The following TRRAP variants were observed in gnomAD, a reference collection of about 807,000 sequenced individuals.
TRRAP encodes transformation/transcription domain-associated protein.
Under a neutral mutation model 438.8 loss-of-function variants are expected in TRRAP, and 41 were observed. That is an observed-to-expected ratio of 0.09 (90% CI 0.07 to 0.12). The LOEUF (loss-of-function observed/expected upper bound fraction) is 0.12, where lower values mean the gene tolerates loss of function less well. Ranked by LOEUF, TRRAP falls within the 10% of genes least tolerant of loss-of-function variation. The pLI, the probability that TRRAP is intolerant of heterozygous loss-of-function variation, is 1.00. For synonymous variants in TRRAP, 1,994 were observed against 1,962.9 expected (o/e 1.02, Z -0.42); for missense variants, 3,122 against 5,055.1 (o/e 0.62, Z 11.60).
chr7:98,988,601 T>C (rs924996418), intron 62 of TRRAP, among the ~76,000 whole-genome samples, 164 bp from the exon 63 acceptor site: 2 of 151,822 alleles, frequency 1.3e-5, no homozygotes, highest in East Asian at 1.9e-4. Flanking sequence ...TCCCAGGGGC[T>C]GGAGGTGGGA....
chr7:98,965,981 G>A (rs1792135034), intron 49 of TRRAP, 86 bp downstream of exon 49: 3 of 1,488,358 alleles, frequency 2.0e-6, no homozygotes. Flanking sequence ...GAAACTTGAA[G>A]CAAAACATTT....
chr7:98,924,667 C>T (rs1425123994), intron 21 of TRRAP, among the ~76,000 whole-genome samples: 5 of 119,110 alleles, frequency 4.2e-5, no homozygotes, highest in Non-Finnish European at 6.6e-5. Context: ...CCAGCCTGGG[C>T]GACAGAGCAA....
chr7:98,965,548 A>T, intron 48 of TRRAP, 148 bp from the exon 49 acceptor site: 1 of 1,017,738 alleles, frequency 9.8e-7, no homozygotes, highest in Admixed American at 2.2e-5. Flanking sequence ...AGAACATATG[A>T]GTGCTTCAAA....
chr7:99,001,753 C>T (rs1428750164), intron 67 of TRRAP, among the ~76,000 whole-genome samples: 1 of 152,132 alleles, frequency 6.6e-6, no homozygotes. Flanking sequence ...GGGCTGCCAA[C>T]CACATGTCTG....
chr7:98,998,807 CT>C, intron 67 of TRRAP: 1 of 265,870 alleles, frequency 3.8e-6, no homozygotes, highest in Non-Finnish European at 7.5e-6. Flanking sequence ...ACCCTCTTAC[CT>C]TACCTCTGTT....
chr7:99,008,523 G>T lies in TRRAP; in HGVS notation c.10900G>T (p.Ala3634Ser), dbSNP rs1162264257. 1 of 1,614,066 alleles carries T rather than the reference G, an allele frequency of 6.2e-7. No homozygotes were observed. The highest frequency in any genetic ancestry group is 1.7e-5 in the Admixed American group (1 of 60,030). The change falls in exon 70 of 73, where the codon GCT (alanine) becomes TCT (serine). Residue 3634 changes from alanine to serine, a missense_variant. Ala to Ser is a moderately conservative substitution (Grantham distance 99, BLOSUM62 1). Transcript: ENST00000456197. Reference sequence around the variant, plus strand: ...CATCTCCCGTTACTATGACCGGCTGGCTACGGTGCAGGCGCGGGGAACCCA... The same window carrying T: ...CATCTCCCGTTACTATGACCGGCTGTCTACGGTGCAGGCGCGGGGAACCCA... Reference protein sequence around the residue: ...NPISRYYDRLATVQARGTQAS... With the variant: ...NPISRYYDRLSTVQARGTQAS...
Position 98,910,249 on chromosome 7 carries a change from C to A in TRRAP, c.1544C>A (p.Pro515His). Residue 515 changes from proline (P) to histidine (H), a missense_variant, in exon 15 of 73, where the codon CCT becomes CAT. This residue lies in a region of TRRAP where 115 missense variants were observed against 124.6 expected (regional missense o/e 0.92). Transcript: ENST00000456197. ...CCTCCACCCCCGCCCCCACCCCCAC[C>A]TGCCACCCCTGTGACCCCGGCCCCC... Reference protein sequence around the residue: ...APPPPPPPPPPATPVTPAPVP... With the variant: ...APPPPPPPPPHATPVTPAPVP... 1 of 1,515,730 alleles carries A rather than the reference C, an allele frequency of 6.6e-7. No individual in the cohort carries two copies. The highest frequency in any genetic ancestry group is 1.4e-5 in the African/African-American group (1 of 71,402). 93.9% of individuals were successfully genotyped at this position (1,515,730 alleles called of 1,614,324 possible).
chr7:98,953,032 TG>T (rs1554418500), intron 39 of TRRAP, 134 bp from the exon 40 acceptor site: 6 of 1,352 alleles, frequency 4.4e-3, no homozygotes, highest in Middle Eastern at 0.05. Flanking sequence ...CATGTTACAT[TG>T]TGTGTGTGTG....
At chr7:98,904,870 C>T (rs1584291005) in intron 12 of TRRAP, among the ~76,000 whole-genome samples, 1 of 152,222 alleles carries the variant, frequency 6.6e-6, no homozygotes, top group Non-Finnish European at 1.5e-5. Context: ...CTGTGTGTTA[C>T]AGTTAAAACG....
At chr7:98,916,087 A>G (rs1554409534) in intron 19 of TRRAP, among the ~76,000 whole-genome samples, 199 bp downstream of exon 19, 2 of 143,976 alleles carry the variant, frequency 1.4e-5, no homozygotes, top group African/African-American at 5.2e-5. Context: ...CGCTGCCTTC[A>G]GGGATGGGCC....
In TRRAP at chr7:98,931,636, G is replaced by A. The variant is rs782030856; in HGVS notation, c.3823G>A (p.Val1275Ile). Residue 1275 changes from valine (V) to isoleucine (I), a missense_variant, in exon 26 of 73, where the codon GTC (valine) becomes ATC (isoleucine). Val to Ile is a conservative substitution (Grantham distance 29). This residue lies in a region of TRRAP where 153 missense variants were observed against 223.0 expected (regional missense o/e 0.69). Transcript: ENST00000456197. The part of the protein sequence containing the change: ...QVLAQVTGKS[V>I]TVIMEPHKEV... ...GTTGGCCCAGGTCACTGGGAAGAGT[G>A]TCACGGTGATCATGGAACCCCACAA... 5 of 1,614,124 alleles carry A rather than the reference G, an allele frequency of 3.1e-6. No individual in the cohort carries two copies. The South Asian group carries it at 5.5e-5, about 18-fold the overall frequency.
chr7:98,994,554 G>A lies in TRRAP; in HGVS notation c.10048-33G>A. 1 of 1,612,414 alleles carries A rather than the reference G, an allele frequency of 6.2e-7. No individual in the cohort carries two copies. The highest frequency in any genetic ancestry group is 8.5e-7 in the Non-Finnish European group (1 of 1,179,202). ...TGCTGGTTCTGGAGTGGAGGGCTGT[G>A]TTTGTCAGTTGTCTCTGGCTCTTTT... On this transcript the variant is annotated intron_variant, in intron 66 of 72. Transcript: ENST00000456197. This position sits in a 1 kb window ranked among gnomAD's most constrained non-coding sequence, Gnocchi z 4.8.
At chr7:98,879,038 T>G (rs1396527347) in intron 1 of TRRAP, among the ~76,000 whole-genome samples, 1 of 151,410 alleles carries the variant, frequency 6.6e-6, no homozygotes, top group African/African-American at 2.4e-5. Flanking sequence ...TCCGGGCCTC[T>G]ACGCCGGCAC....
Position 98,978,768 on chromosome 7 carries a change from G to C in TRRAP, c.8499-1G>C. ...TTGCTCTGGGATCTGTGGTCTTCTA[G>C]ATGCTCCAAGGAATTGAACCAGTGG... On this transcript the variant is annotated splice_acceptor_variant, in intron 57 of 72. Transcript: ENST00000456197. LOFTEE classifies it high-confidence loss of function. 1 of 1,614,184 alleles carries C rather than the reference G, an allele frequency of 6.2e-7. No individual in the cohort carries two copies. The highest frequency in any genetic ancestry group is 8.5e-7 in the Non-Finnish European group (1 of 1,180,046).
chr7:98,965,826 A>G lies in TRRAP; in HGVS notation c.7107A>G (p.Lys2369=). 2 of 1,614,110 alleles carry G rather than the reference A, an allele frequency of 1.2e-6. No individual in the cohort carries two copies. The highest frequency in any genetic ancestry group is 1.7e-6 in the Non-Finnish European group (2 of 1,180,022). Residue 2369 remains lysine, a synonymous_variant, in exon 49 of 73, where the codon AAA becomes AAG. Coordinates refer to ENST00000456197, the MANE Select transcript of TRRAP (RefSeq NM_001375524.1). ...TCATCGAAAAATCACCAGATGCCAA[A>G]ATCCTCCGGGCTGTGGTCAAAATCG... The part of the protein sequence containing the change: ...TSLIEKSPDA[K]ILRAVVKIVE...
chr7:98,976,731 G>A lies in TRRAP; in HGVS notation c.8208G>A (p.Thr2736=), dbSNP rs760309909. 14 of 1,613,846 alleles carry A rather than the reference G, an allele frequency of 8.7e-6. No homozygotes were observed. Among genetic ancestry groups the A allele is most frequent in the Middle Eastern group, 1.6e-4 (1 of 6,084 alleles). Residue 2736 remains threonine, a synonymous_variant, in exon 55 of 73, where the codon ACG becomes ACA. Coordinates refer to ENST00000456197, the MANE Select transcript of TRRAP (RefSeq NM_001375524.1). The surrounding 1 kb of genome is among the most constrained non-coding windows in gnomAD (Gnocchi z 4.6). ...TTCAGATTAAGCCGAAGCAAACAAC[G>A]GAGTTTTATGAGCAGGAGAGCATCA... ...LSLQIKPKQT[T]EFYEQESITP...
In TRRAP at chr7:98,892,538, G is replaced by C; in HGVS notation, c.366+10G>C. On this transcript the variant is annotated intron_variant, in intron 5 of 72. Coordinates refer to ENST00000456197, the MANE Select transcript of TRRAP (RefSeq NM_001375524.1). Reference sequence around the variant, plus strand: ...GTTTCGCTTTTTAGAGGTAAGTTTTGAGAATTAATTCTTGTCGTATAGCCG... The same window carrying C: ...GTTTCGCTTTTTAGAGGTAAGTTTTCAGAATTAATTCTTGTCGTATAGCCG... 1 of 1,593,270 alleles carries C rather than the reference G, an allele frequency of 6.3e-7. No homozygotes were observed. Among genetic ancestry groups the C allele is most frequent in the South Asian group, 1.1e-5 (1 of 88,186 alleles).
In TRRAP at chr7:98,939,950, C is replaced by T. The variant is rs189847797; in HGVS notation, c.4404+2130C>T. 2.0e-5 allele frequency among the ~76,000 whole-genome samples: 3 copies of T among 152,166 alleles called. No individual in the cohort carries two copies. The East Asian group carries it at 5.8e-4, about 29-fold the overall frequency. On this transcript the variant is annotated intron_variant, in intron 30 of 72. Transcript: ENST00000456197. ...AGGCTGGAGTGCAGTGGTGTGATCT[C>T]GTCTCATTCCTACCTCTGCCTCCCG...
chr7:98,900,778 C>A, intron 11 of TRRAP, 58 bp downstream of exon 11: 1 of 1,459,322 alleles, frequency 6.9e-7, no homozygotes, highest in South Asian at 1.2e-5. Context: ...CAATAAAATT[C>A]ACCTTTTGTG....
Sources: gnomAD v4.1 joint callset for allele counts (sites outside exome capture counted in the v4.1 genomes callset) on GRCh38, gnomAD v4.1.1 for gene constraint, gnomAD v4.1.1 regional missense constraint, Gnocchi (gnomAD v3.1) non-coding constraint, MANE v1.5 for transcripts, NCBI Gene and HGNC (gene_info 2026-07-23, HGNC 2026-07-21) for gene names.